Variants in ZNF235 observed in about 807,000 individuals in gnomAD.
The protein encoded by ZNF235 is zfp-93.
ZNF235 carries 25 observed loss-of-function variants against 29.4 expected under a neutral mutation model. The observed-to-expected ratio is 0.85, with a 90% CI of 0.62 to 1.19. The LOEUF (loss-of-function observed/expected upper bound fraction) is 1.19, where lower values mean the gene tolerates loss of function less well. Among genes scored for constraint, ZNF235 ranks in the 50% most tolerant of loss-of-function variants. The pLI, the probability that ZNF235 is intolerant of heterozygous loss-of-function variation, is 0.00. For synonymous variants in ZNF235, 300 were observed against 295.3 expected, an observed-to-expected ratio of 1.02 and a Z score of -0.16; for missense variants, 788 against 885.0, an observed-to-expected ratio of 0.89 and a Z score of 1.39.
chr19:44,287,535 TACC>T lies in ZNF235; in HGVS notation c.1897_1899del (p.Gly633del), dbSNP rs1395663023. The stretch of plus-strand genomic sequence containing the variant: ...AGATTTGACCTCTGGCTGAAGGCCT[TACC>T]ACAAGTGTCACATTTATATGGTTTC... On this transcript the variant is annotated inframe_deletion, in exon 5 of 5. Coordinates refer to ENST00000291182, the MANE Select transcript of ZNF235 (RefSeq NM_004234.4). 1 of 1,614,228 alleles carries T rather than the reference TACC, an allele frequency of 6.2e-7. No homozygotes were observed. Among genetic ancestry groups the T allele is most frequent in the Non-Finnish European group, 8.5e-7 (1 of 1,180,044 alleles).
intron 2 of ZNF235, among the ~76,000 whole-genome samples, chr19:44,302,953 TATAAATATATAC>T (rs1975764947): frequency 7.3e-6 from 1 of 137,028 alleles, no homozygotes; most frequent in Non-Finnish European, 1.5e-5. Context: ...TATTTGTATA[TATAAATATATAC>T]GTATATATGT....
chr19:44,301,486 T>A (rs1975735898), intron 2 of ZNF235, among the ~76,000 whole-genome samples: 1 of 152,028 alleles, frequency 6.6e-6, no homozygotes, highest in Non-Finnish European at 1.5e-5. Context: ...TTTTTTTTCT[T>A]TTTTGAGACA....
chr19:44,301,793 G>T (rs966412190), intron 2 of ZNF235, among the ~76,000 whole-genome samples: 1 of 152,064 alleles, frequency 6.6e-6, no homozygotes, highest in Non-Finnish European at 1.5e-5. Flanking sequence ...GAAACTTCTG[G>T]CTTAGGCACT....
Position 44,288,803 on chromosome 19 carries a change from G to A in ZNF235, c.632C>T (p.Ala211Val), listed in dbSNP as rs1302997722. ...TQMKNKLCIF[A>V]PYVDIFSCIS... ...ACAACTGAAAATGTCAACATATGGA[G>A]CAAATATACATAGTTTGTTTTTCAT... The change falls in exon 5 of 5, where the codon GCT (alanine) becomes GTT (valine). Residue 211 changes from alanine (A) to valine (V), a missense_variant. Coordinates refer to ENST00000291182, the MANE Select transcript of ZNF235 (RefSeq NM_004234.4). The A allele has an allele frequency of 5.6e-6, 9 of 1,613,614 alleles. No homozygotes were observed. Among genetic ancestry groups the A allele is most frequent in the Non-Finnish European group, 7.6e-6 (9 of 1,179,748 alleles).
At position 44,287,575 on chromosome 19, in the gene ZNF235, G is replaced by A. The variant is rs1228283577; in HGVS notation, c.1860C>T (p.Val620=). ...QASHLQAHQR[V]HTGEKPYKCD... ...ATTTATATGGTTTCTCTCCGGTGTGGACTCTCTGATGGGCTTGAAGGTGTG... is the reference window on the plus strand; with the variant it reads ...ATTTATATGGTTTCTCTCCGGTGTGAACTCTCTGATGGGCTTGAAGGTGTG... Residue 620 remains valine (V), a synonymous_variant, in exon 5 of 5, where the codon GTC becomes GTT. Transcript: ENST00000291182. 2.5e-6 allele frequency: 4 copies of A among 1,613,978 alleles called. No homozygotes were observed. Among genetic ancestry groups the A allele is most frequent in the Non-Finnish European group, 3.4e-6 (4 of 1,180,002 alleles).
In ZNF235 at chr19:44,299,690, C is replaced by T; in HGVS notation, c.58G>A (p.Glu20Lys). The T allele has an allele frequency of 6.2e-7, 1 of 1,614,150 alleles. No individual in the cohort carries two copies. The highest frequency in any genetic ancestry group is 8.5e-7 in the Non-Finnish European group (1 of 1,180,030). ...GCAGAGTCCAGCAGCCCCAGCTCCT[C>T]CTCAGTGAAGGCCACAGCCACATCC... ...FKDVAVAFTE[E>K]ELGLLDSAQR... The change falls in exon 3 of 5, where the codon GAG (glutamate) becomes AAG (lysine). Residue 20 changes from glutamate to lysine, a missense_variant. By Grantham distance (56) the Glu-to-Lys change is moderately conservative. Coordinates refer to ENST00000291182, the MANE Select transcript of ZNF235 (RefSeq NM_004234.4).
Position 44,288,498 on chromosome 19 carries a change from G to A in ZNF235, c.937C>T (p.Arg313Cys), listed in dbSNP as rs144837895. 2.3e-4 allele frequency: 370 copies of A among 1,613,960 alleles called. No homozygotes were observed. Among genetic ancestry groups the A allele is most frequent in the African/African-American group, 6.7e-4 (50 of 74,908 alleles). The change falls in exon 5 of 5, where the codon CGT becomes TGT. Residue 313 changes from arginine to cysteine, a missense_variant. By Grantham distance (180) the Arg-to-Cys change is radical (BLOSUM62 -3). Coordinates refer to ENST00000291182, the MANE Select transcript of ZNF235 (RefSeq NM_004234.4). ...CACCAATAGCGTTTTTTCCCAGTAC[G>A]AACACTTTGTTGAACAGGAATACCT... ...SSGIPVQQSV[R>C]TGKKRYWCHE...
In ZNF235 at chr19:44,288,171, C is replaced by A; in HGVS notation, c.1264G>T (p.Glu422Ter). ...GGTTTCTCTCCAGTGTGAATTCTTT[C>A]ATGGGCCTGAAGATGTGATCTCTGA... ...FTQRSHLQAH[E>*]RIHTGEKPYK... The change falls in exon 5 of 5, where the codon GAA (glutamate) becomes TAA (stop). Residue 422 changes from glutamate (E) to a stop codon, truncating the protein, a stop_gained. Coordinates refer to ENST00000291182, the MANE Select transcript of ZNF235 (RefSeq NM_004234.4). LOFTEE classifies it high-confidence loss of function. The A allele has an allele frequency of 6.2e-7, 1 of 1,613,690 alleles. No individual in the cohort carries two copies. The highest frequency in any genetic ancestry group is 1.3e-5 in the African/African-American group (1 of 74,914).
chr19:44,298,664 G>A (rs1975688119), intron 4 of ZNF235, 144 bp downstream of exon 4: 2 of 597,916 alleles, frequency 3.3e-6, no homozygotes, highest in Non-Finnish European at 2.9e-6. Flanking sequence ...CCAAAGTGCT[G>A]GGATTAGAGG....
intron 2 of ZNF235, among the ~76,000 whole-genome samples, 186 bp from the exon 3 acceptor site, chr19:44,299,918 A>G (rs1411277496): frequency 6.6e-6 from 1 of 152,224 alleles, no homozygotes; most frequent in Non-Finnish European, 1.5e-5. Flanking sequence ...TAGAACTGTC[A>G]TTGTTAAATC....
chr19:44,299,710 A>G lies in ZNF235; in HGVS notation c.38T>C (p.Val13Ala). Residue 13 changes from valine to alanine, a missense_variant, in exon 3 of 5, where the codon GTG (valine) becomes GCG (alanine). Physicochemically the swap from Val to Ala is moderately conservative, Grantham distance 64 (BLOSUM62 0). Transcript: ENST00000291182. Reference sequence around the variant, plus strand: ...CTCCTCCTCAGTGAAGGCCACAGCCACATCCTTGAATGTCACTGCCTCCTA... The same window carrying G: ...CTCCTCCTCAGTGAAGGCCACAGCCGCATCCTTGAATGTCACTGCCTCCTA... ...KFQEAVTFKD[V>A]AVAFTEEELG... 6.2e-7 allele frequency: 1 copy of G among 1,614,110 alleles called. No individual in the cohort carries two copies. The highest frequency in any genetic ancestry group is 8.5e-7 in the Non-Finnish European group (1 of 1,179,982).
chr19:44,289,055 T>C lies in ZNF235; in HGVS notation c.380A>G (p.Glu127Gly). 6.2e-7 allele frequency: 1 copy of C among 1,614,080 alleles called. No homozygotes were observed. Among genetic ancestry groups the C allele is most frequent in the South Asian group, 1.1e-5 (1 of 91,074 alleles). ...ARSQDSMINIEGKSSQFPKHH... is the reference protein window; with the variant it reads ...ARSQDSMINIGGKSSQFPKHH... ...CTTGGGGAACTGAGAGCTCTTTCCT[T>C]CAATATTTATCATGGAGTCTTGACT... Residue 127 changes from glutamate (E) to glycine (G), a missense_variant, in exon 5 of 5, where the codon GAA (glutamate) becomes GGA (glycine). By Grantham distance (98) the Glu-to-Gly change is moderately conservative. Transcript: ENST00000291182.
chr19:44,303,317 A>G lies in ZNF235; in HGVS notation c.15+73T>C, dbSNP rs185090160. The G allele has an allele frequency of 1.2e-4, 189 of 1,556,470 alleles. No individual in the cohort carries two copies. In the African/African-American group the frequency reaches 1.8e-3, roughly 15 times the overall value. Reference sequence around the variant, plus strand: ...CTTTCGTTCCCTTTTACTGTTCCCAAACAGGAAAAATGTGTCCAATCTTTG... The same window carrying G: ...CTTTCGTTCCCTTTTACTGTTCCCAGACAGGAAAAATGTGTCCAATCTTTG... On this transcript the variant is annotated intron_variant, in intron 2 of 4. Coordinates refer to ENST00000291182, the MANE Select transcript of ZNF235 (RefSeq NM_004234.4).
intron 1 of ZNF235, among the ~76,000 whole-genome samples, chr19:44,304,479 G>A (rs548842789): frequency 6.6e-6 from 1 of 152,316 alleles, no homozygotes; most frequent in East Asian, 1.9e-4. Flanking sequence ...AGGGACAGCG[G>A]CTCCGTAGCT....
rs767141794 is a variant in ZNF235 at position 44,287,622 on chromosome 19, G to T, written c.1813C>A (p.Gln605Lys). Residue 605 changes from glutamine to lysine, a missense_variant, in exon 5 of 5, where the codon CAG becomes AAG. Coordinates refer to ENST00000291182, the MANE Select transcript of ZNF235 (RefSeq NM_004234.4). Reference protein sequence around the residue: ...GEKPFKCDACQKRFSQASHLQ... With the variant: ...GEKPFKCDACKKRFSQASHLQ... ...TGTGAGGCCTGACTGAATCGCTTCT[G>T]ACATGCATCACACTTGAATGGTTTT... The T allele has an allele frequency of 6.2e-7, 1 of 1,612,404 alleles. No homozygotes were observed. The highest frequency in any genetic ancestry group is 8.5e-7 in the Non-Finnish European group (1 of 1,179,516).
At chr19:44,302,914 GTA>G (rs1427092246) in intron 2 of ZNF235, among the ~76,000 whole-genome samples, 1 of 37,070 alleles carries the variant, frequency 2.7e-5, no homozygotes, top group African/African-American at 6.3e-5. Flanking sequence ...AAATATATAC[GTA>G]TATATTTGTA....
Position 44,288,198 on chromosome 19 carries a change from T to TCTCA in ZNF235, c.1236_1237insTGAG (p.Thr413Ter). The TCTCA allele has an allele frequency of 6.2e-7, 1 of 1,614,178 alleles. No individual in the cohort carries two copies. Among genetic ancestry groups the TCTCA allele is most frequent in the African/African-American group, 1.3e-5 (1 of 75,050 alleles). The stretch of plus-strand genomic sequence containing the variant: ...TGGGCCTGAAGATGTGATCTCTGAG[T>TCTCA]GAAGCCCTTCCCACACACCTCACAT... On this transcript the variant is annotated stop_gained and frameshift_variant, in exon 5 of 5. Coordinates refer to ENST00000291182, the MANE Select transcript of ZNF235 (RefSeq NM_004234.4). LOFTEE classifies it high-confidence loss of function.
At position 44,287,247 on chromosome 19, in the gene ZNF235, G is replaced by A. The variant is rs180708355; in HGVS notation, c.2188C>T (p.Gln730Ter). Reference protein sequence around the residue: ...FSQRSHLIYHQRVHTGGNL With the variant: ...FSQRSHLIYH Reference sequence around the variant, plus strand: ...AGATTCCCTCCAGTGTGGACTCTCTGATGGTAGATGAGATGTGACCTCTGA... The same window carrying A: ...AGATTCCCTCCAGTGTGGACTCTCTAATGGTAGATGAGATGTGACCTCTGA... The change falls in exon 5 of 5, where the codon CAG becomes TAG. Residue 730 changes from glutamine (Q) to a stop codon, truncating the protein, a stop_gained. Transcript: ENST00000291182. LOFTEE classifies it high-confidence loss of function. 1 of 1,609,640 alleles carries A rather than the reference G, an allele frequency of 6.2e-7. No homozygotes were observed. Among genetic ancestry groups the A allele is most frequent in the African/African-American group, 1.3e-5 (1 of 74,962 alleles).
At chr19:44,299,501 A>G in intron 3 of ZNF235, 105 bp downstream of exon 3, 1 of 1,475,214 alleles carries the variant, frequency 6.8e-7, no homozygotes. Flanking sequence ...AAACATCCCA[A>G]AATACACAGG....
Sources: allele counts gnomAD v4.1 joint callset (sites outside exome capture counted in the v4.1 genomes callset), GRCh38; gene constraint gnomAD v4.1.1; transcripts MANE v1.5; gene names NCBI Gene and HGNC (gene_info 2026-07-23, HGNC 2026-07-21).